ANO2: variants seen among roughly 807,000 people sequenced by gnomAD.
ANO2 encodes the protein anoctamin 2, also known as anoctamin-2.
Under a neutral mutation model 124.2 loss-of-function variants are expected in ANO2, and 101 were observed. That is an observed-to-expected ratio of 0.81 (90% CI 0.69 to 0.96). The LOEUF (loss-of-function observed/expected upper bound fraction) is 0.96, where lower values mean the gene tolerates loss of function less well. Ranked by LOEUF, ANO2 falls within the 40% of genes least tolerant of loss-of-function variation. The probability of loss-of-function intolerance (pLI) is 0.00; values close to 1 mark genes in which losing one functional copy is unlikely to be tolerated. For missense variants in ANO2, 1,293 were observed against 1,274.5 expected, an observed-to-expected ratio of 1.01 and a Z score of -0.22; for synonymous variants, 486 against 482.5, an observed-to-expected ratio of 1.01 and a Z score of -0.09.
At chr12:5,800,193 C>T (rs1469369875) in intron 9 of ANO2, among the ~76,000 whole-genome samples, 1 of 152,142 alleles carries the variant, frequency 6.6e-6, no homozygotes, top group African/African-American at 2.4e-5. Context: ...GCAAATGCCC[C>T]AAGGCAAGTG....
rs1365074081 is a variant in ANO2 at position 5,769,646 on chromosome 12, A to C, written c.1056-18676T>G. Among the ~76,000 whole-genome samples the C allele has an allele frequency of 6.6e-6, 1 of 152,050 alleles. No individual in the cohort carries two copies. Among genetic ancestry groups the C allele is most frequent in the African/African-American group, 2.4e-5 (1 of 41,394 alleles). ...ATTCCTATCCGTGGGTGGTGGATGG[A>C]CCTCCATTAACAGCCACACCTCCCC... On this transcript the variant is annotated intron_variant, in intron 10 of 24. Coordinates refer to ENST00000682330, the MANE Select transcript of ANO2 (RefSeq NM_001364791.2). The surrounding 1 kb of genome is among the most constrained non-coding windows in gnomAD (Gnocchi z 4.0).
At chr12:5,926,861 C>A (rs1289835897) in intron 1 of ANO2, among the ~76,000 whole-genome samples, 1 of 152,104 alleles carries the variant, frequency 6.6e-6, no homozygotes, top group Admixed American at 6.5e-5. Context: ...CAAGACAAAC[C>A]CTTTCTCTGA....
At chr12:5,724,448 A>C (rs545450266) in intron 14 of ANO2, among the ~76,000 whole-genome samples, 2 of 152,286 alleles carry the variant, frequency 1.3e-5, no homozygotes, top group East Asian at 3.9e-4. Context: ...AAGAGGCAAG[A>C]GGGACCCTCA....
chr12:5,712,286 GA>G (rs559756746), intron 14 of ANO2, among the ~76,000 whole-genome samples: 349 of 141,428 alleles, frequency 2.5e-3, no homozygotes, highest in Middle Eastern at 3.6e-3. Context: ...ACCTGACTTG[GA>G]AAAAAAAAAA....
intron 1 of ANO2, among the ~76,000 whole-genome samples, chr12:5,926,967 C>T (rs1017101844): frequency 6.6e-6 from 1 of 152,206 alleles, no homozygotes; most frequent in Non-Finnish European, 1.5e-5. Context: ...AAAAGATTAA[C>T]ATTCCTTGGA....
At chr12:5,795,011 C>T (rs1591625961) in intron 10 of ANO2, among the ~76,000 whole-genome samples, 5 of 152,198 alleles carry the variant, frequency 3.3e-5, no homozygotes, top group East Asian at 1.9e-4. Flanking sequence ...GGTCTCCCTC[C>T]GGGGGTGCTC....
intron 14 of ANO2, among the ~76,000 whole-genome samples, chr12:5,693,436 A>G (rs1949028001): frequency 6.6e-6 from 1 of 151,890 alleles, no homozygotes; most frequent in African/African-American, 2.4e-5. Flanking sequence ...CGTGGCTCCT[A>G]CCCTAGTTTG....
At chr12:5,688,218 C>T (rs1044411031) in intron 14 of ANO2, among the ~76,000 whole-genome samples, 7 of 152,274 alleles carry the variant, frequency 4.6e-5, no homozygotes, top group South Asian at 4.2e-4. Flanking sequence ...TGAGCTCACC[C>T]ATTCTCTTGG....
chr12:5,844,557 G>C (rs1954620938), intron 4 of ANO2, among the ~76,000 whole-genome samples: 1 of 152,186 alleles, frequency 6.6e-6, no homozygotes, highest in Non-Finnish European at 1.5e-5. Context: ...TTTACATGTA[G>C]ACCACAGCAT....
chr12:5,736,152 A>AG (rs1950853133), intron 13 of ANO2, among the ~76,000 whole-genome samples: 1 of 152,354 alleles, frequency 6.6e-6, no homozygotes, highest in Middle Eastern at 3.4e-3. Flanking sequence ...GGACACCCAC[A>AG]GGCAGACCTG....
intron 16 of ANO2, among the ~76,000 whole-genome samples, chr12:5,620,731 C>T (rs976935067): frequency 2.0e-5 from 3 of 152,034 alleles, no homozygotes; most frequent in Admixed American, 2.0e-4. Flanking sequence ...TTTCTCCTTC[C>T]GGTCCTGCCT....
intron 14 of ANO2, among the ~76,000 whole-genome samples, chr12:5,701,087 A>ATTTTTTTTTTTTTTTTTT (rs56113538): frequency 1.1e-5 from 1 of 93,610 alleles, no homozygotes; most frequent in Non-Finnish European, 1.9e-5. Flanking sequence ...GTCATTTTCA[A>ATTTTTTTTTTTTTTTTTT]TTTTTTTTTT....
At chr12:5,580,252 T>G (rs2136846161) in intron 20 of ANO2, among the ~76,000 whole-genome samples, 1 of 152,370 alleles carries the variant, frequency 6.6e-6, no homozygotes, top group South Asian at 2.1e-4. Flanking sequence ...ATATGTACAA[T>G]GTACATACAA....
chr12:5,727,512 CA>C lies in ANO2; in HGVS notation c.1545+5007del, dbSNP rs770431822. On this transcript the variant is annotated intron_variant, in intron 14 of 24. Coordinates refer to ENST00000682330, the MANE Select transcript of ANO2 (RefSeq NM_001364791.2). ...CTTATAGAGAGAGTTTTAAACAAACCAAAAAAAAAAAAAAGCAATGGCCTAC... is the reference window on the plus strand; with the variant it reads ...CTTATAGAGAGAGTTTTAAACAAACCAAAAAAAAAAAAAGCAATGGCCTAC... Among the ~76,000 whole-genome samples the C allele has an allele frequency of 4.8e-3, 532 of 109,710 alleles. 4 individuals carry two copies. The highest frequency in any genetic ancestry group is 0.032 in the East Asian group (120 of 3,784). The allele number at this position is 109,710 out of a possible 152,430, so 72.0% of individuals were successfully genotyped here.
intron 16 of ANO2, among the ~76,000 whole-genome samples, chr12:5,625,807 G>A (rs1328442997): frequency 1.3e-5 from 2 of 152,078 alleles, no homozygotes; most frequent in Non-Finnish European, 2.9e-5. Context: ...TATGATTCAC[G>A]AGGCTTTGAC....
chr12:5,628,275 T>A (rs1388581766), intron 16 of ANO2, among the ~76,000 whole-genome samples: 1 of 152,240 alleles, frequency 6.6e-6, no homozygotes, highest in Non-Finnish European at 1.5e-5. Flanking sequence ...CCTCCCTGCC[T>A]GGGTCATCTG....
chr12:5,738,256 G>A (rs955559807), intron 13 of ANO2, among the ~76,000 whole-genome samples: 4 of 152,224 alleles, frequency 2.6e-5, no homozygotes, highest in South Asian at 2.1e-4. Context: ...ACAGGCTTAG[G>A]AAGAGACTAA....
At chr12:5,576,316 A>G (rs1435966113) in intron 22 of ANO2, among the ~76,000 whole-genome samples, 1 of 152,196 alleles carries the variant, frequency 6.6e-6, no homozygotes, top group African/African-American at 2.4e-5. Context: ...GAGATATCTA[A>G]CATTGCTGTT....
intron 10 of ANO2, among the ~76,000 whole-genome samples, chr12:5,789,823 C>T (rs534837630): frequency 1.8e-4 from 27 of 152,260 alleles, no homozygotes; most frequent in African/African-American, 5.3e-4. Context: ...AGCTATCTTG[C>T]GGTTGTTGTT....
Sources: allele counts gnomAD v4.1 joint callset (sites outside exome capture counted in the v4.1 genomes callset), GRCh38; gene constraint gnomAD v4.1.1; non-coding constraint Gnocchi (gnomAD v3.1); transcripts MANE v1.5; gene names NCBI Gene and HGNC (gene_info 2026-07-23, HGNC 2026-07-21).